The following SLC2A13 variants were observed in gnomAD, a reference collection of about 807,000 sequenced individuals.
The protein encoded by SLC2A13 is proton myo-inositol cotransporter.
In SLC2A13, 32 loss-of-function variants were observed where a neutral mutation model predicts 64.4. The ratio of observed to expected loss-of-function variants is 0.50; its 90% confidence interval spans 0.37 to 0.67. SLC2A13 has a LOEUF of 0.67. Among genes scored for constraint, SLC2A13 ranks in the 30% least tolerant of loss-of-function variants. The probability of loss-of-function intolerance (pLI) is 0.00; values close to 1 mark genes in which losing one functional copy is unlikely to be tolerated. For synonymous variants in SLC2A13, 338 were observed against 327.1 expected (o/e 1.03, Z -0.36); for missense variants, 743 against 829.2 (o/e 0.90, Z 1.28).
chr12:39,813,362 C>T (rs958608304), intron 7 of SLC2A13, among the ~76,000 whole-genome samples: 14 of 151,730 alleles, frequency 9.2e-5, no homozygotes, highest in South Asian at 2.1e-4. Flanking sequence ...TATAATTAAC[C>T]GGATGTACCC....
At chr12:39,807,223 A>G (rs903405694) in intron 7 of SLC2A13, among the ~76,000 whole-genome samples, 1 of 152,178 alleles carries the variant, frequency 6.6e-6, no homozygotes, top group Non-Finnish European at 1.5e-5. Flanking sequence ...TGGGGAGTGG[A>G]GTGTGCTTAC....
chr12:40,030,342 A>T (rs1360270515), intron 2 of SLC2A13, among the ~76,000 whole-genome samples: 1 of 152,150 alleles, frequency 6.6e-6, no homozygotes, highest in African/African-American at 2.4e-5. Flanking sequence ...GTATAATTTA[A>T]TCTGTTATTT....
At chr12:39,960,600 G>A (rs563824673) in intron 3 of SLC2A13, among the ~76,000 whole-genome samples, 1 of 152,038 alleles carries the variant, frequency 6.6e-6, no homozygotes, top group Non-Finnish European at 1.5e-5. Flanking sequence ...GGCTGGTCTC[G>A]AACTCCTGAC....
chr12:40,054,744 C>T (rs1948309930), intron 1 of SLC2A13, among the ~76,000 whole-genome samples: 1 of 152,164 alleles, frequency 6.6e-6, no homozygotes, highest in African/African-American at 2.4e-5. Context: ...CGGCTGGAAG[C>T]CCTTTTAAAG....
intron 7 of SLC2A13, among the ~76,000 whole-genome samples, chr12:39,819,111 A>G (rs1942419534): frequency 6.6e-6 from 1 of 152,180 alleles, no homozygotes; most frequent in Non-Finnish European, 1.5e-5. Flanking sequence ...GAGGCTTCAG[A>G]AGTTATGATG....
intron 4 of SLC2A13, among the ~76,000 whole-genome samples, chr12:39,915,466 T>C (rs1945506909): frequency 6.6e-6 from 1 of 151,996 alleles, no homozygotes. Flanking sequence ...AAAATCCTTA[T>C]GGGGCAAGAT....
intron 2 of SLC2A13, among the ~76,000 whole-genome samples, chr12:40,043,945 A>G (rs1948133737): frequency 6.6e-6 from 1 of 152,204 alleles, no homozygotes; most frequent in South Asian, 2.1e-4. Context: ...CCAGTCCTCA[A>G]AAACCTAAAT....
intron 3 of SLC2A13, among the ~76,000 whole-genome samples, chr12:39,995,109 T>A (rs1947205217): frequency 6.6e-6 from 1 of 152,172 alleles, no homozygotes; most frequent in Non-Finnish European, 1.5e-5. Context: ...AACAAAACTA[T>A]AAAAATAATA....
chr12:39,848,852 C>G (rs556100075), intron 6 of SLC2A13, among the ~76,000 whole-genome samples: 2 of 152,014 alleles, frequency 1.3e-5, no homozygotes, highest in African/African-American at 4.8e-5. Context: ...TAAAAAAGGA[C>G]GAGATCACAT....
In SLC2A13 at chr12:40,035,508, C is replaced by A. The variant is rs11564200; in HGVS notation, c.717-6999G>T. Among the ~76,000 whole-genome samples, 845 of 152,318 alleles carry A rather than the reference C, an allele frequency of 5.5e-3. 3 individuals are homozygous for A. The highest frequency in any genetic ancestry group is 9.8e-3 in the Non-Finnish European group (665 of 68,026). On this transcript the variant is annotated intron_variant, in intron 2 of 9. Coordinates refer to ENST00000280871, the MANE Select transcript of SLC2A13 (RefSeq NM_052885.4). ...CCAAGGACCATGTAAGACATGCACC[C>A]TGATGACTGATACACTTGATAATCA...
chr12:39,899,880 T>A (rs1254101956), intron 4 of SLC2A13, among the ~76,000 whole-genome samples: 1 of 152,108 alleles, frequency 6.6e-6, no homozygotes, highest in Non-Finnish European at 1.5e-5. Context: ...TTACATTTGC[T>A]GAGGAGAGCT....
At chr12:39,993,508 G>C (rs1271076410) in intron 3 of SLC2A13, among the ~76,000 whole-genome samples, 1 of 152,234 alleles carries the variant, frequency 6.6e-6, no homozygotes, top group Non-Finnish European at 1.5e-5. Context: ...GAAAGACAGG[G>C]ATTCAGTAAA....
chr12:40,016,437 C>T (rs1947623036), intron 3 of SLC2A13, among the ~76,000 whole-genome samples: 1 of 152,138 alleles, frequency 6.6e-6, no homozygotes, highest in South Asian at 2.1e-4. Context: ...TAAATATAAA[C>T]TAGCTAATGA....
At chr12:40,102,484 T>C (rs1352269438) in intron 1 of SLC2A13, among the ~76,000 whole-genome samples, 3 of 152,172 alleles carry the variant, frequency 2.0e-5, no homozygotes, top group Non-Finnish European at 2.9e-5. Flanking sequence ...GTATCTCCTA[T>C]GTGGCAGGAA....
intron 1 of SLC2A13, among the ~76,000 whole-genome samples, chr12:40,050,713 T>G (rs1207951075): frequency 6.6e-6 from 1 of 152,174 alleles, no homozygotes; most frequent in Non-Finnish European, 1.5e-5. Flanking sequence ...GACAGCAAGA[T>G]TCTAAAACCC....
chr12:39,951,831 T>C (rs1049231063), intron 3 of SLC2A13, among the ~76,000 whole-genome samples: 1 of 152,172 alleles, frequency 6.6e-6, no homozygotes, highest in Non-Finnish European at 1.5e-5. Flanking sequence ...AAGAACAAAA[T>C]TCATGTTATT....
chr12:39,896,087 T>TAC (rs1433897701), intron 4 of SLC2A13, among the ~76,000 whole-genome samples: 1 of 147,146 alleles, frequency 6.8e-6, no homozygotes, highest in African/African-American at 2.5e-5. Flanking sequence ...CGTGTACATA[T>TAC]ATGTATACAC....
rs188045781 is a variant in SLC2A13, at chr12:40,055,738, G to A, written c.557-7528C>T. Among the ~76,000 whole-genome samples, 58 of 151,984 alleles carry A rather than the reference G, an allele frequency of 3.8e-4. 1 individual carries two copies. The East Asian group carries it at 5.6e-3, about 15-fold the overall frequency. ...GTAAGAAGCAAAGTGAATAAAAATC[G>A]CCTCTAATCACTCATAGATAACCAC... On this transcript the variant is annotated intron_variant, in intron 1 of 9. Coordinates refer to ENST00000280871, the MANE Select transcript of SLC2A13 (RefSeq NM_052885.4).
chr12:39,994,618 T>C (rs1222731264), intron 3 of SLC2A13, among the ~76,000 whole-genome samples: 1 of 152,214 alleles, frequency 6.6e-6, no homozygotes, highest in Non-Finnish European at 1.5e-5. Context: ...TATAGTTTTA[T>C]GCACATTTCA....
Sources: allele counts gnomAD v4.1 joint callset (sites outside exome capture counted in the v4.1 genomes callset), GRCh38; gene constraint gnomAD v4.1.1; transcripts MANE v1.5; gene names NCBI Gene and HGNC (gene_info 2026-07-23, HGNC 2026-07-21).